The following ARL15 variants were observed in gnomAD, a reference collection of about 807,000 sequenced individuals.
ARL15 encodes ARF like GTPase 15.
A neutral mutation model predicts 25.2 loss-of-function variants in ARL15; 19 were observed. The observed-to-expected ratio is 0.75, with a 90% CI of 0.53 to 1.10. The LOEUF is 1.10. Ranked by LOEUF, ARL15 falls within the 50% of genes least tolerant of loss-of-function variation. ARL15 has a pLI of 0.00. For missense variants in ARL15, 220 were observed against 246.0 expected, an observed-to-expected ratio of 0.89 and a Z score of 0.71; for synonymous variants, 94 against 86.8, an observed-to-expected ratio of 1.08 and a Z score of -0.46.
chr5:53,888,150 C>T (rs533147168), intron 4 of ARL15, among the ~76,000 whole-genome samples: 59 of 151,880 alleles, frequency 3.9e-4, no homozygotes, highest in Non-Finnish European at 7.6e-4. Flanking sequence ...TAATGAACAC[C>T]TCACTTGCAG....
chr5:54,136,089 A>G (rs971654423), intron 3 of ARL15, among the ~76,000 whole-genome samples: 2 of 152,206 alleles, frequency 1.3e-5, no homozygotes, highest in South Asian at 2.1e-4. Context: ...CTGTAAAAGT[A>G]TATAAAAATA....
rs144267343 is a variant in ARL15, at chr5:54,065,717, A to C, written c.462+47485T>G. Among the ~76,000 whole-genome samples the C allele has an allele frequency of 5.1e-3, 779 of 152,262 alleles. 8 individuals are homozygous for C. The highest frequency in any genetic ancestry group is 0.018 in the African/African-American group (740 of 41,558). ...AAAACAACCAAAAAACAACAACTAC[A>C]AAAAACAAATTGAGATGTGCTATAT... On this transcript the variant is annotated intron_variant, in intron 4 of 4. Coordinates refer to ENST00000504924, the MANE Select transcript of ARL15 (RefSeq NM_019087.3).
intron 1 of ARL15, among the ~76,000 whole-genome samples, chr5:54,293,641 T>G (rs1034016446): frequency 6.6e-6 from 1 of 152,196 alleles, no homozygotes; most frequent in African/African-American, 2.4e-5. Flanking sequence ...AACCCCTTTC[T>G]GTGATGTCCC....
chr5:54,231,995 C>G (rs145862323), intron 1 of ARL15, among the ~76,000 whole-genome samples: 1 of 152,176 alleles, frequency 6.6e-6, no homozygotes, highest in East Asian at 1.9e-4. Context: ...TAGCAGTCTA[C>G]GCTGCGGCCA....
chr5:53,927,643 T>C (rs1025748109), intron 4 of ARL15, among the ~76,000 whole-genome samples: 3 of 152,186 alleles, frequency 2.0e-5, no homozygotes, highest in African/African-American at 7.2e-5. Flanking sequence ...TAGGACCATG[T>C]TCTGCTTTCT....
At chr5:54,106,284 A>C (rs528645491) in intron 4 of ARL15, among the ~76,000 whole-genome samples, 1 of 152,206 alleles carries the variant, frequency 6.6e-6, no homozygotes, top group African/African-American at 2.4e-5. Context: ...CAGGAAAATA[A>C]AAATTTTTAT....
chr5:54,076,218 C>A (rs2112091389), intron 4 of ARL15, among the ~76,000 whole-genome samples: 1 of 151,918 alleles, frequency 6.6e-6, no homozygotes, highest in Non-Finnish European at 1.5e-5. Flanking sequence ...AGATCGAGAC[C>A]ATCCTGGCTA....
intron 4 of ARL15, chr5:53,887,354 CT>C (rs376214926): frequency 4.2e-5 from 29 of 692,970 alleles, no homozygotes; most frequent in Middle Eastern, 2.4e-4. Context: ...AATCTTCTAC[CT>C]TTTTTTTTCT....
rs189238592 is a variant in ARL15 at position 54,299,958 on chromosome 5, T to G, written c.48+10474A>C. 1.9e-3 allele frequency among the ~76,000 whole-genome samples: 289 copies of G among 152,284 alleles called. 2 individuals carry two copies. Among genetic ancestry groups the G allele is most frequent in the African/African-American group, 5.9e-3 (244 of 41,556 alleles). ...CCATTTACCTATGTGAAATCTCAAG[T>G]TGAATTACTGCACAAGCAGTTCAAA... On this transcript the variant is annotated intron_variant, in intron 1 of 4. Transcript: ENST00000504924.
At chr5:54,269,954 T>C (rs1757738900) in intron 1 of ARL15, among the ~76,000 whole-genome samples, 2 of 152,222 alleles carry the variant, frequency 1.3e-5, no homozygotes, top group African/African-American at 4.8e-5. Flanking sequence ...CTGAGGATTA[T>C]TATTTATCAC....
intron 4 of ARL15, among the ~76,000 whole-genome samples, chr5:54,000,092 A>C (rs1318464330): frequency 6.6e-6 from 1 of 152,124 alleles, no homozygotes; most frequent in African/African-American, 2.4e-5. Flanking sequence ...TTAGCAAAAA[A>C]GAAAAGCTAC....
At chr5:54,034,056 G>A (rs1275806719) in intron 4 of ARL15, among the ~76,000 whole-genome samples, 9 of 152,068 alleles carry the variant, frequency 5.9e-5, no homozygotes, top group East Asian at 5.8e-4. Flanking sequence ...TTCGTGATCC[G>A]CTTGCCTTGG....
intron 4 of ARL15, among the ~76,000 whole-genome samples, chr5:53,948,618 G>A (rs1328535325): frequency 6.6e-6 from 1 of 152,228 alleles, no homozygotes; most frequent in East Asian, 1.9e-4. Flanking sequence ...AACTACAGTC[G>A]TTAAAATAGT....
At chr5:54,302,294 C>T (rs1032033991) in intron 1 of ARL15, among the ~76,000 whole-genome samples, 4 of 152,178 alleles carry the variant, frequency 2.6e-5, no homozygotes, top group Non-Finnish European at 5.9e-5. Context: ...TGGCCATGGG[C>T]TTAGAATCAG....
intron 4 of ARL15, chr5:54,048,145 G>C (rs1579736601): frequency 6.6e-6 from 1 of 151,876 alleles, no homozygotes; most frequent in African/African-American, 2.4e-5. Context: ...AGGCAACCTG[G>C]TGGTCGCCCC....
intron 4 of ARL15, among the ~76,000 whole-genome samples, chr5:53,978,548 G>A (rs530535502): frequency 6.8e-6 from 1 of 148,094 alleles, no homozygotes; most frequent in Non-Finnish European, 1.5e-5. Flanking sequence ...AACTTTGGGA[G>A]GCCAAGATGG....
intron 4 of ARL15, among the ~76,000 whole-genome samples, chr5:53,954,125 CAG>C (rs1747065288): frequency 1.4e-5 from 2 of 145,868 alleles, no homozygotes; most frequent in Admixed American, 1.4e-4. Context: ...TCACCAAAGA[CAG>C]GGGAGCTTTC....
intron 1 of ARL15, among the ~76,000 whole-genome samples, chr5:54,249,787 T>G (rs1325217673): frequency 6.6e-6 from 1 of 151,852 alleles, no homozygotes; most frequent in Non-Finnish European, 1.5e-5. Flanking sequence ...CCAGGAGAGC[T>G]TGTAAGTAAT....
chr5:54,206,110 T>C (rs190333268), intron 1 of ARL15, among the ~76,000 whole-genome samples: 2 of 152,298 alleles, frequency 1.3e-5, no homozygotes, highest in African/African-American at 2.4e-5. Context: ...AAATAGATTA[T>C]ATTGATCTGG....
Sources: allele counts gnomAD v4.1 joint callset (sites outside exome capture counted in the v4.1 genomes callset), GRCh38; gene constraint gnomAD v4.1.1; transcripts MANE v1.5; gene names NCBI Gene and HGNC (gene_info 2026-07-23, HGNC 2026-07-21).